PGR: variants seen among roughly 807,000 people sequenced by gnomAD.
PGR encodes progesterone receptor.
PGR carries 25 observed loss-of-function variants against 76.1 expected under a neutral mutation model. The ratio of observed to expected loss-of-function variants is 0.33; its 90% CI spans 0.24 to 0.46. PGR has a LOEUF of 0.46. PGR is among the 20% of genes least tolerant of loss of function. PGR has a pLI of 1.00. For missense variants in PGR, 1,172 were observed against 1,225.3 expected (o/e 0.96, Z 0.65); for synonymous variants, 579 against 535.0 (o/e 1.08, Z -1.14).
At chr11:101,105,698 G>T (rs919799399) in intron 2 of PGR, among the ~76,000 whole-genome samples, 3 of 152,042 alleles carry the variant, frequency 2.0e-5, no homozygotes, top group African/African-American at 4.8e-5. Flanking sequence ...AGCTACCACT[G>T]ACTTTCTTCA....
At chr11:101,107,362 C>G (rs544803932) in intron 2 of PGR, among the ~76,000 whole-genome samples, 13 of 152,294 alleles carry the variant, frequency 8.5e-5, no homozygotes, top group Non-Finnish European at 8.8e-5. Flanking sequence ...AAAAATCTCT[C>G]TGGAACTCTT....
intron 6 of PGR, among the ~76,000 whole-genome samples, chr11:101,047,704 C>T (rs1031081124): frequency 6.6e-6 from 1 of 152,110 alleles, no homozygotes; most frequent in Non-Finnish European, 1.5e-5. Context: ...CTGTGGTTGT[C>T]ATAGAAATCA....
rs11571192 is a variant in PGR at position 101,089,731 on chromosome 11, C to T, written c.1906+2029G>A. On this transcript the variant is annotated intron_variant, in intron 3 of 7. Coordinates refer to ENST00000325455, the MANE Select transcript of PGR (RefSeq NM_000926.4). ...AAGAAGGAAGGGAGGGAGGGAGGGA[C>T]GGAAAGGAGGGAGAGATGGAGGGAG... Among the ~76,000 whole-genome samples the T allele has an allele frequency of 5.1e-3, 771 of 150,818 alleles. 8 individuals carry two copies. Among genetic ancestry groups the T allele is most frequent in the African/African-American group, 0.018 (734 of 41,018 alleles).
chr11:101,104,389 C>T (rs893674929), intron 2 of PGR, among the ~76,000 whole-genome samples: 3 of 152,096 alleles, frequency 2.0e-5, no homozygotes, highest in Non-Finnish European at 2.9e-5. Context: ...TAATCAAAAT[C>T]TTAGTTTTTC....
In PGR at chr11:101,100,775, T is replaced by C. The variant is rs144009583; in HGVS notation, c.1790-8899A>G. ...AATATCTGGAGACAATTTTGGTTTA[T>C]GCAACTAGAGGGTAGGTATTATTGC... On this transcript the variant is annotated intron_variant, in intron 2 of 7. Transcript: ENST00000325455. 6.2e-4 allele frequency among the ~76,000 whole-genome samples: 95 copies of C among 152,292 alleles called. No individual in the cohort carries two copies. In the East Asian group the frequency reaches 0.015, roughly 24 times the overall value.
chr11:101,115,462 T>C (rs1236425042), intron 2 of PGR, among the ~76,000 whole-genome samples: 2 of 152,138 alleles, frequency 1.3e-5, no homozygotes, highest in Non-Finnish European at 2.9e-5. Context: ...AGCATGGTAC[T>C]AAGAATTTAT....
At position 101,048,176 on chromosome 11, in the gene PGR, T is replaced by C. The variant is rs530417787; in HGVS notation, c.2488+1753A>G. Among the ~76,000 whole-genome samples, 32 of 152,304 alleles carry C rather than the reference T, an allele frequency of 2.1e-4. No individual in the cohort carries two copies. The South Asian group carries it at 6.6e-3, about 32-fold the overall frequency. On this transcript the variant is annotated intron_variant, in intron 6 of 7. Coordinates refer to ENST00000325455, the MANE Select transcript of PGR (RefSeq NM_000926.4). ...CTAACTCACTGGACTGTGTCAGTGATAAAGAAACCACTATTATATTAAGAT... is the reference window on the plus strand; with the variant it reads ...CTAACTCACTGGACTGTGTCAGTGACAAAGAAACCACTATTATATTAAGAT...
At chr11:101,101,762 A>G (rs887447230) in intron 2 of PGR, among the ~76,000 whole-genome samples, 2 of 152,228 alleles carry the variant, frequency 1.3e-5, no homozygotes, top group Non-Finnish European at 2.9e-5. Flanking sequence ...TCTTGTCATT[A>G]AATTTTTTGG....
chr11:101,108,081 C>T (rs1162422634), intron 2 of PGR, among the ~76,000 whole-genome samples: 1 of 151,474 alleles, frequency 6.6e-6, no homozygotes, highest in Non-Finnish European at 1.5e-5. Flanking sequence ...CAGTGAAACC[C>T]TGTCTCTACT....
Position 101,030,628 on chromosome 11 carries a change from T to C in PGR, c.*8488A>G, listed in dbSNP as rs776463969. On this transcript the variant is annotated 3_prime_UTR_variant, in exon 8 of 8. Coordinates refer to ENST00000325455, the MANE Select transcript of PGR (RefSeq NM_000926.4). ...CATATTGCTCTGAGGAGAATTGGAA[T>C]TGTTATAGCGGAAATGTTCAAAGAA... The C allele has an allele frequency of 9.2e-6, 2 of 216,928 alleles. No homozygotes were observed. The highest frequency in any genetic ancestry group is 1.9e-5 in the Non-Finnish European group (2 of 107,818). The allele number at this position is 216,928 out of a possible 1,614,324, so 13.4% of individuals were successfully genotyped here.
Position 101,034,892 on chromosome 11 carries a change from T to G in PGR, c.*4224A>C. Reference sequence around the variant, plus strand: ...AATGGTACATTAAATAGTCCACAGATGCTAGGGAGAAACAGAGATTGTTGT... The same window carrying G: ...AATGGTACATTAAATAGTCCACAGAGGCTAGGGAGAAACAGAGATTGTTGT... On this transcript the variant is annotated 3_prime_UTR_variant, in exon 8 of 8. Coordinates refer to ENST00000325455, the MANE Select transcript of PGR (RefSeq NM_000926.4). 5.5e-6 allele frequency: 1 copy of G among 182,790 alleles called. No individual in the cohort carries two copies. 11.3% of individuals were successfully genotyped at this position (182,790 alleles called of 1,614,324 possible). A position where few individuals can be genotyped will look rare whatever the true frequency, so the allele number is the denominator to read the frequency against.
chr11:101,101,988 A>T (rs779203756), intron 2 of PGR, among the ~76,000 whole-genome samples: 18 of 152,124 alleles, frequency 1.2e-4, no homozygotes, highest in Non-Finnish European at 2.2e-4. Flanking sequence ...TCTTGTCAAA[A>T]CGTTTAACTG....
rs1863025865 is a variant in PGR at position 101,129,339 on chromosome 11, T to C, written c.-269A>G. On this transcript the variant is annotated 5_prime_UTR_variant, in exon 1 of 8. Transcript: ENST00000325455. ...TGGGGAGCGCAAGAAAAAGTAGTAA[T>C]TGTTAGGAGATCTCGTCTCCTAACT... is the stretch of plus-strand genomic sequence containing the variant. The C allele has an allele frequency of 2.2e-6, 1 of 445,106 alleles. No individual in the cohort carries two copies. The highest frequency in any genetic ancestry group is 3.8e-5 in the Admixed American group (1 of 26,024). The allele number at this position is 445,106 out of a possible 1,614,324, so 27.6% of individuals were successfully genotyped here. A position where few individuals can be genotyped will look rare whatever the true frequency, so the allele number is the denominator to read the frequency against.
At chr11:101,056,763 C>A (rs1365701066) in intron 4 of PGR, among the ~76,000 whole-genome samples, 1 of 150,962 alleles carries the variant, frequency 6.6e-6, no homozygotes, top group Non-Finnish European at 1.5e-5. Flanking sequence ...GTAATTGAAA[C>A]AGATAATCTA....
rs1193738042 is a variant in PGR at position 101,032,748 on chromosome 11, C to T, written c.*6368G>A. ...CTCCAATAGTTCCCTGTACTTCCTC[C>T]AGCATAAGCATTCACAGTACAATAT... On this transcript the variant is annotated 3_prime_UTR_variant, in exon 8 of 8. Coordinates refer to ENST00000325455, the MANE Select transcript of PGR (RefSeq NM_000926.4). The T allele has an allele frequency of 5.0e-6, 1 of 200,808 alleles. No individual in the cohort carries two copies. The highest frequency in any genetic ancestry group is 1.0e-5 in the Non-Finnish European group (1 of 97,324). 12.4% of individuals were successfully genotyped at this position (200,808 alleles called of 1,614,324 possible). A position where few individuals can be genotyped will look rare whatever the true frequency, so the allele number is the denominator to read the frequency against.
In PGR at chr11:101,031,644, G is replaced by T; in HGVS notation, c.*7472C>A. On this transcript the variant is annotated 3_prime_UTR_variant, in exon 8 of 8. Transcript: ENST00000325455. ...CATTTTGTAATTCCACTTGATAATG[G>T]CATCTGATTATTTGATCATGACATC... 1 of 218,332 alleles carries T rather than the reference G, an allele frequency of 4.6e-6. No homozygotes were observed. Among genetic ancestry groups the T allele is most frequent in the Non-Finnish European group, 9.2e-6 (1 of 109,172 alleles). The allele number at this position is 218,332 out of a possible 1,614,324, so 13.5% of individuals were successfully genotyped here.
intron 2 of PGR, among the ~76,000 whole-genome samples, chr11:101,112,509 T>TACA (rs1862374302): frequency 1.3e-5 from 2 of 152,218 alleles, no homozygotes; most frequent in African/African-American, 4.8e-5. Flanking sequence ...CTTCTGTCCA[T>TACA]ACAGATGGTG....
intron 2 of PGR, among the ~76,000 whole-genome samples, chr11:101,096,885 A>G (rs540192397): frequency 2.6e-5 from 4 of 152,302 alleles, no homozygotes; most frequent in African/African-American, 9.6e-5. Flanking sequence ...AACCACTCAG[A>G]GCATTCCATT....
At chr11:101,039,502 A>G (rs780206099) in intron 7 of PGR, among the ~76,000 whole-genome samples, 1 of 151,988 alleles carries the variant, frequency 6.6e-6, no homozygotes, top group Non-Finnish European at 1.5e-5. Context: ...TAAAGAAATG[A>G]AAGTTATTCA....
Sources: gnomAD v4.1 joint callset for allele counts (sites outside exome capture counted in the v4.1 genomes callset) on GRCh38, gnomAD v4.1.1 for gene constraint, MANE v1.5 for transcripts, NCBI Gene and HGNC (gene_info 2026-07-23, HGNC 2026-07-21) for gene names.